TNFSF4: variants seen among roughly 807,000 people sequenced by gnomAD.
TNFSF4 encodes the protein TNF superfamily member 4.
In TNFSF4, 4 loss-of-function variants were observed where a neutral mutation model predicts 7.3. The ratio of observed to expected loss-of-function variants is 0.55; its 90% CI spans 0.27 to 1.25. The LOEUF (loss-of-function observed/expected upper bound fraction) is 1.25. Ranked by LOEUF, TNFSF4 falls within the 50% of genes most tolerant of loss-of-function variation. The pLI, the probability that TNFSF4 is intolerant of heterozygous loss-of-function variation, is 0.12. For synonymous variants in TNFSF4, 76 were observed against 83.7 expected (o/e 0.91, Z 0.50); for missense variants, 181 against 208.8 (o/e 0.87, Z 0.82).
the TNFSF4 span, among the ~76,000 whole-genome samples, chr1:173,280,743 G>A: frequency 2.8e-4 from 42 of 152,016 alleles, no homozygotes; most frequent in African/African-American, 8.2e-4. Flanking sequence ...TTAAAATCAC[G>A]TTCTAATTCT....
chr1:173,309,221 T>C, the TNFSF4 span, among the ~76,000 whole-genome samples: 2 of 152,002 alleles, frequency 1.3e-5, no homozygotes, highest in Admixed American at 1.3e-4. Flanking sequence ...TTGCATTTTT[T>C]GTCTTATTAC....
chr1:173,416,385 T>C, the TNFSF4 span, among the ~76,000 whole-genome samples: 1 of 152,024 alleles, frequency 6.6e-6, no homozygotes, highest in Non-Finnish European at 1.5e-5. Context: ...AGCATCTTCC[T>C]GAACAAAGAC....
At chr1:173,195,485 T>C (rs1649660249) in intron 1 of TNFSF4, among the ~76,000 whole-genome samples, 1 of 152,244 alleles carries the variant, frequency 6.6e-6, no homozygotes, top group African/African-American at 2.4e-5. Context: ...CTTGGCCTCC[T>C]TCAGTGCTTT....
the TNFSF4 span, among the ~76,000 whole-genome samples, chr1:173,212,901 TAAA>T: frequency 6.6e-6 from 1 of 152,088 alleles, no homozygotes; most frequent in Non-Finnish European, 1.5e-5. Flanking sequence ...TATACATAAA[TAAA>T]TAAATCTATT....
chr1:173,340,938 C>T, the TNFSF4 span, among the ~76,000 whole-genome samples: 1 of 152,086 alleles, frequency 6.6e-6, no homozygotes, highest in Non-Finnish European at 1.5e-5. Flanking sequence ...GGGAGGAACT[C>T]GATGGGAGGT....
the TNFSF4 span, among the ~76,000 whole-genome samples, chr1:173,425,703 T>C: frequency 2.0e-5 from 3 of 152,120 alleles, no homozygotes; most frequent in Non-Finnish European, 2.9e-5. Flanking sequence ...AGAAACATGA[T>C]AGAGTAAATG....
Position 173,186,466 on chromosome 1 carries a change from C to A in TNFSF4, c.*50G>T, listed in dbSNP as rs770769850. The A allele has an allele frequency of 6.8e-7, 1 of 1,468,088 alleles. No individual in the cohort carries two copies. Among genetic ancestry groups the A allele is most frequent in the Admixed American group, 1.8e-5 (1 of 54,856 alleles). The allele number at this position is 1,468,088 out of a possible 1,614,324, so 90.9% of individuals were successfully genotyped here. On this transcript the variant is annotated 3_prime_UTR_variant, in exon 3 of 3. Transcript: ENST00000281834. ...GAAGAATCCATGCCCTGTCCACCCCCAGCTTGGTGTTCATGCTGGTGCCTG... is the reference window on the plus strand; with the variant it reads ...GAAGAATCCATGCCCTGTCCACCCCAAGCTTGGTGTTCATGCTGGTGCCTG...
At chr1:173,232,919 T>C in the TNFSF4 span, among the ~76,000 whole-genome samples, 1 of 152,108 alleles carries the variant, frequency 6.6e-6, no homozygotes, top group South Asian at 2.1e-4. Context: ...GGGATATTGG[T>C]CTAAAATTTC....
the TNFSF4 span, among the ~76,000 whole-genome samples, chr1:173,392,121 C>T: frequency 6.6e-6 from 1 of 152,208 alleles, no homozygotes; most frequent in Non-Finnish European, 1.5e-5. Flanking sequence ...GGAGTTCTAA[C>T]TCAATGTCAC....
the TNFSF4 span, among the ~76,000 whole-genome samples, chr1:173,305,606 TA>T: frequency 2.2e-3 from 327 of 151,868 alleles, 2 homozygotes; most frequent in African/African-American, 6.9e-3. Context: ...CTCCCCCACT[TA>T]AAACCTCTAT....
the TNFSF4 span, among the ~76,000 whole-genome samples, chr1:173,349,493 T>C: frequency 1.3e-5 from 2 of 152,218 alleles, no homozygotes; most frequent in Non-Finnish European, 2.9e-5. Context: ...GCACTTCAGC[T>C]CTACAATAAC....
At chr1:173,274,257 A>G in the TNFSF4 span, among the ~76,000 whole-genome samples, 2 of 152,148 alleles carry the variant, frequency 1.3e-5, no homozygotes, top group Non-Finnish European at 2.9e-5. Context: ...ACAAATCAAT[A>G]AAGATCGAAG....
the TNFSF4 span, among the ~76,000 whole-genome samples, chr1:173,248,870 A>G: frequency 0.01 from 1,585 of 152,354 alleles, 27 homozygotes; most frequent in African/African-American, 0.037. Flanking sequence ...CTTTATTTTA[A>G]TCTACTTGAT....
the TNFSF4 span, among the ~76,000 whole-genome samples, chr1:173,405,631 C>T: frequency 1.3e-5 from 2 of 152,066 alleles, no homozygotes; most frequent in Non-Finnish European, 1.5e-5. Flanking sequence ...TCCATAGTAC[C>T]AAGGTAAATT....
At chr1:173,292,074 T>C in the TNFSF4 span, among the ~76,000 whole-genome samples, 17 of 151,446 alleles carry the variant, frequency 1.1e-4, no homozygotes, top group African/African-American at 3.9e-4. Context: ...AGAGCTAGTA[T>C]CAATCCTACT....
chr1:173,428,443 A>C, the TNFSF4 span, among the ~76,000 whole-genome samples: 2 of 152,362 alleles, frequency 1.3e-5, no homozygotes, highest in Non-Finnish European at 2.9e-5. Flanking sequence ...ATAACAAAAC[A>C]GAGAGGGACA....
chr1:173,366,780 A>G, the TNFSF4 span, among the ~76,000 whole-genome samples: 1 of 115,690 alleles, frequency 8.6e-6, no homozygotes, highest in Non-Finnish European at 1.8e-5. Context: ...ACAAAAATTA[A>G]AACTTAAAAA....
At chr1:173,377,584 C>T in the TNFSF4 span, among the ~76,000 whole-genome samples, 1 of 152,208 alleles carries the variant, frequency 6.6e-6, no homozygotes, top group African/African-American at 2.4e-5. Context: ...GACAAACTTC[C>T]TCTTGCCTCT....
intron 1 of TNFSF4, among the ~76,000 whole-genome samples, chr1:173,195,219 CTGAA>C (rs1419897209): frequency 2.6e-5 from 4 of 152,170 alleles, no homozygotes; most frequent in African/African-American, 9.7e-5. Context: ...ATCATCAATA[CTGAA>C]TAAGATTAAA....
Sources: allele counts gnomAD v4.1 joint callset (sites outside exome capture counted in the v4.1 genomes callset), GRCh38; gene constraint gnomAD v4.1.1; transcripts MANE v1.5; gene names NCBI Gene and HGNC (gene_info 2026-07-23, HGNC 2026-07-21).